CACNB4: variants seen among roughly 807,000 people sequenced by gnomAD.
CACNB4 encodes the protein voltage-dependent L-type calcium channel subunit beta-4.
CACNB4 carries 32 observed loss-of-function variants against 71.2 expected under a neutral mutation model. The ratio of observed to expected loss-of-function variants is 0.45; its 90% CI spans 0.34 to 0.60. The LOEUF is 0.60. Ranked by LOEUF, CACNB4 falls within the 20% of genes least tolerant of loss-of-function variation. The pLI is 0.01. For missense variants in CACNB4, 464 were observed against 647.9 expected (o/e 0.72, Z 3.08); for synonymous variants, 231 against 236.9 (o/e 0.97, Z 0.23).
At chr2:152,075,137 A>T (rs1686939352) in intron 2 of CACNB4, among the ~76,000 whole-genome samples, 1 of 152,184 alleles carries the variant, frequency 6.6e-6, no homozygotes, top group African/African-American at 2.4e-5. Flanking sequence ...ATATTATTTC[A>T]TTTTTCAAAA....
At chr2:152,054,347 C>CA (rs1685614391) in intron 2 of CACNB4, among the ~76,000 whole-genome samples, 1 of 68,146 alleles carries the variant, frequency 1.5e-5, no homozygotes, top group Non-Finnish European at 2.7e-5. Flanking sequence ...GCCTGGGCGA[C>CA]AAAGCAAAAC....
Position 152,098,029 on chromosome 2 carries a change from A to G in CACNB4, c.147+301T>C, listed in dbSNP as rs932731839. Reference sequence around the variant, plus strand: ...CATTTCTCCACGCACCAAAGATACAACCAGACATATTTCCAGCTCTTAAAT... The same window carrying G: ...CATTTCTCCACGCACCAAAGATACAGCCAGACATATTTCCAGCTCTTAAAT... On this transcript the variant is annotated intron_variant, in intron 2 of 13. Coordinates refer to ENST00000539935, the MANE Select transcript of CACNB4 (RefSeq NM_000726.5). This position sits in a 1 kb window ranked among gnomAD's most constrained non-coding sequence, Gnocchi z 5.3. 6.6e-6 allele frequency among the ~76,000 whole-genome samples: 1 copy of G among 152,222 alleles called. No homozygotes were observed. Among genetic ancestry groups the G allele is most frequent in the Non-Finnish European group, 1.5e-5 (1 of 68,038 alleles).
At chr2:151,978,731 G>A (rs150800188) in intron 2 of CACNB4, among the ~76,000 whole-genome samples, 1 of 152,090 alleles carries the variant, frequency 6.6e-6, no homozygotes, top group Non-Finnish European at 1.5e-5. Flanking sequence ...TGATGCCCTT[G>A]CCTCTAGGGT....
intron 2 of CACNB4, among the ~76,000 whole-genome samples, chr2:151,901,841 A>T (rs1337418959): frequency 6.6e-6 from 1 of 152,204 alleles, no homozygotes; most frequent in Non-Finnish European, 1.5e-5. Context: ...AATTCCAGAG[A>T]ACTTGGTTTT....
chr2:151,925,428 C>G (rs945989938), intron 2 of CACNB4, among the ~76,000 whole-genome samples: 1 of 152,158 alleles, frequency 6.6e-6, no homozygotes, highest in Non-Finnish European at 1.5e-5. Context: ...TTGAAACTGT[C>G]TTTCTATGGG....
chr2:152,058,277 G>A (rs960729410), intron 2 of CACNB4, among the ~76,000 whole-genome samples: 1 of 152,180 alleles, frequency 6.6e-6, no homozygotes, highest in African/African-American at 2.4e-5. Context: ...CCGCAAAGAG[G>A]GGGGTACTGC....
At chr2:152,028,584 T>C (rs1022425316) in intron 2 of CACNB4, among the ~76,000 whole-genome samples, 1 of 152,240 alleles carries the variant, frequency 6.6e-6, no homozygotes, top group African/African-American at 2.4e-5. Context: ...AATTTGTCTT[T>C]CTGCGAAAGA....
At chr2:151,876,995 A>G (rs1326486776) in intron 4 of CACNB4, among the ~76,000 whole-genome samples, 1 of 147,536 alleles carries the variant, frequency 6.8e-6, no homozygotes, top group Non-Finnish European at 1.5e-5. Context: ...TATACTATAT[A>G]TTAATATAAA....
chr2:151,865,198 G>A (rs992025666), intron 9 of CACNB4, among the ~76,000 whole-genome samples: 2 of 152,098 alleles, frequency 1.3e-5, no homozygotes, highest in Non-Finnish European at 2.9e-5. Context: ...ATTCTTATAT[G>A]GCTTGGTTGC....
At chr2:152,084,777 T>C (rs530264248) in intron 2 of CACNB4, among the ~76,000 whole-genome samples, 26 of 151,702 alleles carry the variant, frequency 1.7e-4, no homozygotes, top group Admixed American at 1.4e-3. Flanking sequence ...GCCTGGCTAA[T>C]GTTTTTTTTT....
chr2:152,075,387 TGA>T (rs1686953632), intron 2 of CACNB4, among the ~76,000 whole-genome samples: 1 of 152,122 alleles, frequency 6.6e-6, no homozygotes, highest in Admixed American at 6.5e-5. Context: ...CAAAACAATG[TGA>T]GAGTTACTCT....
At chr2:151,893,873 A>G (rs2099851371) in intron 2 of CACNB4, among the ~76,000 whole-genome samples, 1 of 152,228 alleles carries the variant, frequency 6.6e-6, no homozygotes, top group South Asian at 2.1e-4. Context: ...TAATAAGTTA[A>G]TAAGAAAAAG....
chr2:151,847,099 C>CAAAAA (rs397766580), intron 12 of CACNB4, among the ~76,000 whole-genome samples: 4 of 79,780 alleles, frequency 5.0e-5, no homozygotes, highest in African/African-American at 8.6e-5. Context: ...AAACTGACAC[C>CAAAAA]AAAAAAAAAA....
At chr2:152,069,503 C>CTTTTTTTT (rs34430081) in intron 2 of CACNB4, among the ~76,000 whole-genome samples, 1 of 128,920 alleles carries the variant, frequency 7.8e-6, no homozygotes, top group Non-Finnish European at 1.7e-5. Flanking sequence ...AAGAACACGC[C>CTTTTTTTT]TTTTTTTTTT....
intron 2 of CACNB4, among the ~76,000 whole-genome samples, chr2:151,986,666 G>GA (rs1473372143): frequency 6.6e-6 from 1 of 152,114 alleles, no homozygotes; most frequent in Non-Finnish European, 1.5e-5. Context: ...TTCTAATGAA[G>GA]AAAAAATATA....
chr2:151,867,225 A>G (rs2099843397), intron 9 of CACNB4: 1 of 152,214 alleles, frequency 6.6e-6, no homozygotes, highest in African/African-American at 2.4e-5. Context: ...GACTCCATAC[A>G]TATCTGAAGG....
intron 12 of CACNB4, chr2:151,853,203 G>T: frequency 2.5e-6 from 1 of 402,254 alleles, no homozygotes; most frequent in Non-Finnish European, 4.4e-6. Context: ...AAGCAAACAA[G>T]GTAGCAGTGA....
chr2:152,044,914 G>A (rs1685073371), intron 2 of CACNB4, among the ~76,000 whole-genome samples: 3 of 152,128 alleles, frequency 2.0e-5, no homozygotes, highest in Admixed American at 2.0e-4. Flanking sequence ...AATAATAAAA[G>A]TGTGCTAAAC....
intron 2 of CACNB4, chr2:151,962,846 A>G (rs2099870010): frequency 6.6e-6 from 1 of 152,234 alleles, no homozygotes; most frequent in Admixed American, 6.5e-5. Context: ...AGTTCTCACC[A>G]TTTGGGTCAG....
Sources: allele counts gnomAD v4.1 joint callset (sites outside exome capture counted in the v4.1 genomes callset), GRCh38; gene constraint gnomAD v4.1.1; non-coding constraint Gnocchi (gnomAD v3.1); transcripts MANE v1.5; gene names NCBI Gene and HGNC (gene_info 2026-07-23, HGNC 2026-07-21).